Variants in SPATA6 observed in about 807,000 individuals in gnomAD.
SPATA6 encodes the protein spermatogenesis associated 6, also known as spermatogenesis-associated protein 6.
In SPATA6, 56 loss-of-function variants were observed where a neutral mutation model predicts 65.3. That is an observed-to-expected ratio of 0.86 (90% CI 0.69 to 1.07). The LOEUF is 1.07. Among genes scored for constraint, SPATA6 ranks in the 50% least tolerant of loss-of-function variants. SPATA6 has a pLI of 0.00. For missense variants in SPATA6, 590 were observed against 594.8 expected, an observed-to-expected ratio of 0.99 and a Z score of 0.08; for synonymous variants, 199 against 213.2, an observed-to-expected ratio of 0.93 and a Z score of 0.58.
rs1284073228 is a variant in SPATA6 at position 48,404,145 on chromosome 1, C to G, written c.406-263G>C. On this transcript the variant is annotated intron_variant, in intron 5 of 12. Coordinates refer to ENST00000371847, the MANE Select transcript of SPATA6 (RefSeq NM_019073.4). ...TATTTTTTCATTTTTAAGTATTTCC[C>G]TGTCAAATTGTTTTAAATTTTTAAA... Among the ~76,000 whole-genome samples the G allele has an allele frequency of 2.0e-5, 3 of 151,868 alleles. No individual in the cohort carries two copies. In the East Asian group the frequency reaches 5.8e-4, roughly 29 times the overall value.
At chr1:48,372,674 G>T (rs1259508392) in intron 9 of SPATA6, among the ~76,000 whole-genome samples, 1 of 152,218 alleles carries the variant, frequency 6.6e-6, no homozygotes, top group African/African-American at 2.4e-5. Flanking sequence ...AGTTCTCCAT[G>T]AGGGCTCCGC....
At chr1:48,444,749 G>A (rs756265615) in intron 3 of SPATA6, among the ~76,000 whole-genome samples, 4 of 152,190 alleles carry the variant, frequency 2.6e-5, no homozygotes, top group Non-Finnish European at 4.4e-5. Context: ...TCACTCTTTC[G>A]GTCCGTGCCA....
intron 11 of SPATA6, among the ~76,000 whole-genome samples, chr1:48,308,514 T>C (rs1432672807): frequency 6.6e-6 from 1 of 152,114 alleles, no homozygotes; most frequent in African/African-American, 2.4e-5. Flanking sequence ...TAGCCTATCT[T>C]TTATATTTAC....
At chr1:48,405,791 T>C (rs1047705633) in intron 5 of SPATA6, among the ~76,000 whole-genome samples, 11 of 152,116 alleles carry the variant, frequency 7.2e-5, no homozygotes, top group Admixed American at 2.6e-4. Context: ...ACCTTTTCAA[T>C]GAAGGAGTAG....
intron 3 of SPATA6, among the ~76,000 whole-genome samples, chr1:48,437,558 G>A (rs1285454608): frequency 2.6e-5 from 4 of 152,136 alleles, no homozygotes; most frequent in African/African-American, 9.7e-5. Flanking sequence ...CCTTGGGAAT[G>A]AGCCCTCAGA....
intron 11 of SPATA6, among the ~76,000 whole-genome samples, chr1:48,318,980 T>C (rs1557555285): frequency 6.6e-6 from 1 of 152,216 alleles, no homozygotes; most frequent in Non-Finnish European, 1.5e-5. Flanking sequence ...TATAGTCAAC[T>C]GATTTTTTTA....
the SPATA6 span, among the ~76,000 whole-genome samples, chr1:48,285,477 GA>G: frequency 0.15 from 19,095 of 127,522 alleles, 1,747 homozygotes; most frequent in African/African-American, 0.29. Flanking sequence ...ACTGGGGTAT[GA>G]AAAAAAAAAA....
chr1:48,387,459 C>T (rs1649595951), intron 8 of SPATA6, among the ~76,000 whole-genome samples: 4 of 152,206 alleles, frequency 2.6e-5, no homozygotes. Context: ...GGTATACATG[C>T]TCCCCACCTG....
chr1:48,298,195 C>T lies in SPATA6; in HGVS notation c.*518G>A, dbSNP rs1318266590. 6.6e-6 allele frequency: 1 copy of T among 152,020 alleles called. No individual in the cohort carries two copies. The highest frequency in any genetic ancestry group is 2.4e-5 in the African/African-American group (1 of 41,410). 9.4% of individuals were successfully genotyped at this position (152,020 alleles called of 1,614,324 possible). A position where few individuals can be genotyped will look rare whatever the true frequency, so the allele number is the denominator to read the frequency against. ...GCCTATGAGCTAAGAAATAGAATAG[C>T]CTGTTCTGAAAAAGGAAAAAGTAGA... On this transcript the variant is annotated 3_prime_UTR_variant, in exon 13 of 13. Transcript: ENST00000371847.
At chr1:48,413,415 G>A (rs1026060125) in intron 3 of SPATA6, among the ~76,000 whole-genome samples, 2 of 148,730 alleles carry the variant, frequency 1.3e-5, no homozygotes, top group Non-Finnish European at 3.0e-5. Flanking sequence ...TCAGCCTCCC[G>A]AGTAGCTGGG....
At chr1:48,305,250 C>G (rs953644803) in intron 12 of SPATA6, among the ~76,000 whole-genome samples, 10 of 152,164 alleles carry the variant, frequency 6.6e-5, no homozygotes, top group African/African-American at 2.4e-4. Flanking sequence ...CTATATATTG[C>G]AGTAACTAGT....
chr1:48,315,166 G>A (rs1321155395), intron 11 of SPATA6, among the ~76,000 whole-genome samples: 2 of 152,284 alleles, frequency 1.3e-5, no homozygotes, highest in East Asian at 1.9e-4. Context: ...AACACAAAAA[G>A]AGGGAATCCT....
Position 48,322,228 on chromosome 1 carries a change from T to C in SPATA6, c.1195-16350A>G, listed in dbSNP as rs562128756. 4.6e-5 allele frequency among the ~76,000 whole-genome samples: 7 copies of C among 151,868 alleles called. No individual in the cohort carries two copies. The East Asian group carries it at 1.4e-3, about 29-fold the overall frequency. ...GAATTAAATAAAACAATACAAAAGA[T>C]GAACAAAGTAGAACAGAGGCCTCAG... On this transcript the variant is annotated intron_variant, in intron 11 of 12. Coordinates refer to ENST00000371847, the MANE Select transcript of SPATA6 (RefSeq NM_019073.4).
the SPATA6 span, among the ~76,000 whole-genome samples, chr1:48,270,675 A>G: frequency 5.2e-3 from 787 of 152,092 alleles, 20 homozygotes; most frequent in South Asian, 0.05. Flanking sequence ...TATTAGTTTA[A>G]TTCCCTTGGC....
chr1:48,359,757 G>A lies in SPATA6; in HGVS notation c.923C>T (p.Pro308Leu). 6.2e-7 allele frequency: 1 copy of A among 1,610,800 alleles called. No individual in the cohort carries two copies. The change falls in exon 10 of 13, where the codon CCC becomes CTC. Residue 308 changes from proline (P) to leucine (L), a missense_variant. Pro to Leu is a moderately conservative substitution (Grantham distance 98). Transcript: ENST00000371847. Reference sequence around the variant, plus strand: ...AGAGTCATCGAAGTCTCTCCCATGGGGTGTCCTGATAACCTGTTTTAAAAA... The same window carrying A: ...AGAGTCATCGAAGTCTCTCCCATGGAGTGTCCTGATAACCTGTTTTAAAAA... ...RPKDYKVIRTPHGRDFDDSLE... is the reference protein window; with the variant it reads ...RPKDYKVIRTLHGRDFDDSLE...
the SPATA6 span, among the ~76,000 whole-genome samples, chr1:48,277,443 G>A: frequency 6.6e-6 from 1 of 152,320 alleles, no homozygotes; most frequent in Non-Finnish European, 1.5e-5. Context: ...AGGGGTGACA[G>A]ATGGCACCTG....
At chr1:48,364,655 T>C (rs993713809) in intron 9 of SPATA6, among the ~76,000 whole-genome samples, 65 of 152,364 alleles carry the variant, frequency 4.3e-4, no homozygotes, top group Middle Eastern at 6.8e-3. Context: ...GGTTGTTTTT[T>C]TCTTGTAAAT....
intron 3 of SPATA6, among the ~76,000 whole-genome samples, chr1:48,429,061 A>G (rs1389430337): frequency 1.3e-5 from 2 of 151,846 alleles, no homozygotes; most frequent in East Asian, 3.9e-4. Context: ...CCCAACCCTC[A>G]AACTCCAACC....
intron 11 of SPATA6, among the ~76,000 whole-genome samples, chr1:48,335,018 T>C (rs1646021744): frequency 6.6e-6 from 1 of 152,020 alleles, no homozygotes; most frequent in African/African-American, 2.4e-5. Context: ...AAATCAGGAA[T>C]GCAATACCAT....
Sources: allele counts gnomAD v4.1 joint callset (sites outside exome capture counted in the v4.1 genomes callset), GRCh38; gene constraint gnomAD v4.1.1; transcripts MANE v1.5; gene names NCBI Gene and HGNC (gene_info 2026-07-23, HGNC 2026-07-21).